Variants in PCDH9 observed in about 807,000 individuals in gnomAD.
PCDH9 encodes protocadherin-9.
A neutral mutation model predicts 70.6 loss-of-function variants in PCDH9; 24 were observed. The ratio of observed to expected loss-of-function variants is 0.34; its 90% CI spans 0.25 to 0.48. The LOEUF (loss-of-function observed/expected upper bound fraction) is 0.48. Ranked by LOEUF, PCDH9 falls within the 20% of genes least tolerant of loss-of-function variation. PCDH9 has a pLI of 0.99. For synonymous variants in PCDH9, 562 were observed against 558.5 expected (o/e 1.01, Z -0.09); for missense variants, 1,281 against 1,503.6 (o/e 0.85, Z 2.45).
chr13:66,658,615 T>C (rs1039573398), intron 3 of PCDH9, among the ~76,000 whole-genome samples: 5 of 152,188 alleles, frequency 3.3e-5, no homozygotes, highest in Non-Finnish European at 7.4e-5. Flanking sequence ...CATTTGTTTA[T>C]TCACAATGTT....
At chr13:66,402,311 A>G in intron 4 of PCDH9, among the ~76,000 whole-genome samples, 1 of 152,168 alleles carries the variant, frequency 6.6e-6, no homozygotes, top group East Asian at 1.9e-4. Flanking sequence ...CCTGTTAAGT[A>G]AACAAGAAAT....
At chr13:66,333,480 G>A (rs1177755576) in intron 4 of PCDH9, among the ~76,000 whole-genome samples, 1 of 152,142 alleles carries the variant, frequency 6.6e-6, no homozygotes, top group African/African-American at 2.4e-5. Flanking sequence ...GTAGTAAACA[G>A]TGGGTCCCCA....
chr13:66,579,780 G>A (rs2076864727), intron 4 of PCDH9, among the ~76,000 whole-genome samples: 1 of 151,882 alleles, frequency 6.6e-6, no homozygotes, highest in Non-Finnish European at 1.5e-5. Flanking sequence ...AAGGATAAAA[G>A]GTAGCAAGGA....
intron 3 of PCDH9, among the ~76,000 whole-genome samples, chr13:66,698,776 G>A (rs886761464): frequency 6.6e-6 from 1 of 151,862 alleles, no homozygotes; most frequent in African/African-American, 2.4e-5. Context: ...GAGATGGGGG[G>A]CTCACAATCT....
At chr13:66,482,422 A>G (rs1263546831) in intron 4 of PCDH9, among the ~76,000 whole-genome samples, 1 of 152,202 alleles carries the variant, frequency 6.6e-6, no homozygotes, top group Non-Finnish European at 1.5e-5. Flanking sequence ...AGGCCCCTCT[A>G]TAGGAGACTT....
intron 3 of PCDH9, among the ~76,000 whole-genome samples, chr13:66,648,269 C>T (rs1422544706): frequency 2.6e-5 from 4 of 152,208 alleles, no homozygotes. Context: ...GCTATGCTGG[C>T]TTCAGGTCTG....
chr13:66,773,230 G>A (rs75457632), intron 3 of PCDH9, among the ~76,000 whole-genome samples: 2,754 of 152,240 alleles, frequency 0.018, 74 homozygotes, highest in African/African-American at 0.063. Flanking sequence ...TCAATGGCTG[G>A]AAATGTTCTA....
intron 4 of PCDH9, among the ~76,000 whole-genome samples, chr13:66,447,654 T>A (rs1593995581): frequency 6.6e-6 from 1 of 152,150 alleles, no homozygotes; most frequent in Non-Finnish European, 1.5e-5. Flanking sequence ...AAACTTAATA[T>A]AATAAAAACT....
intron 3 of PCDH9, among the ~76,000 whole-genome samples, chr13:66,664,377 G>T (rs1408742968): frequency 6.6e-6 from 1 of 151,700 alleles, no homozygotes; most frequent in Admixed American, 6.6e-5. Flanking sequence ...AAAGCTGGAG[G>T]TTGAACATGG....
At chr13:66,458,468 G>T (rs886326851) in intron 4 of PCDH9, among the ~76,000 whole-genome samples, 1 of 152,042 alleles carries the variant, frequency 6.6e-6, no homozygotes, top group African/African-American at 2.4e-5. Flanking sequence ...CAGAAGCAAA[G>T]TATTAAGAGA....
chr13:66,981,453 GA>G (rs1393172745), intron 2 of PCDH9, among the ~76,000 whole-genome samples: 7 of 138,226 alleles, frequency 5.1e-5, no homozygotes, highest in South Asian at 2.3e-4. Flanking sequence ...AAAAAAAAAA[GA>G]AAAAAAAAGT....
chr13:67,214,954 A>ATATATATATATATATG (rs1566500795), intron 2 of PCDH9: 1 of 72,268 alleles, frequency 1.4e-5, no homozygotes, highest in African/African-American at 4.2e-5. Flanking sequence ...ATATATATAT[A>ATATATATATATATATG]TATATATATA....
intron 4 of PCDH9, among the ~76,000 whole-genome samples, chr13:66,511,686 A>T (rs1959480456): frequency 6.6e-6 from 1 of 152,058 alleles, no homozygotes; most frequent in African/African-American, 2.4e-5. Flanking sequence ...TCCCTTTGGG[A>T]TTATCCTGGA....
At chr13:66,424,391 A>G (rs538843752) in intron 4 of PCDH9, among the ~76,000 whole-genome samples, 11 of 151,978 alleles carry the variant, frequency 7.2e-5, no homozygotes, top group Non-Finnish European at 1.2e-4. Flanking sequence ...AGACTTCTTC[A>G]GGAAGGTTAA....
chr13:66,530,968 C>T (rs754241602), intron 4 of PCDH9, among the ~76,000 whole-genome samples: 2 of 151,848 alleles, frequency 1.3e-5, no homozygotes, highest in Non-Finnish European at 2.9e-5. Flanking sequence ...AAAAGGGAGT[C>T]TGTGTTTTGT....
intron 3 of PCDH9, among the ~76,000 whole-genome samples, chr13:66,840,918 G>T (rs962676560): frequency 2.0e-5 from 3 of 152,156 alleles, no homozygotes; most frequent in Non-Finnish European, 2.9e-5. Context: ...ATTAGAGAGA[G>T]ATGAAGTCAA....
chr13:66,482,487 G>A (rs1958860072), intron 4 of PCDH9, among the ~76,000 whole-genome samples: 1 of 152,146 alleles, frequency 6.6e-6, no homozygotes, highest in Non-Finnish European at 1.5e-5. Flanking sequence ...CTGCAGGAAA[G>A]CTGAGAAATT....
At position 67,228,531 on chromosome 13, in the gene PCDH9, G is replaced by T; in HGVS notation, c.-91C>A. 4.8e-6 allele frequency: 5 copies of T among 1,040,202 alleles called. No homozygotes were observed. Among genetic ancestry groups the T allele is most frequent in the Non-Finnish European group, 6.9e-6 (5 of 720,536 alleles). The allele number at this position is 1,040,202 out of a possible 1,614,324, so 64.4% of individuals were successfully genotyped here. On this transcript the variant is annotated 5_prime_UTR_variant, in exon 2 of 5. Transcript: ENST00000377865. ...CAAATTGCAAGAGGAAGCGTGCATG[G>T]ACTGGAGGATGCATTATATCTCATC...
intron 3 of PCDH9, among the ~76,000 whole-genome samples, chr13:66,710,745 G>A (rs1224843919): frequency 2.6e-5 from 4 of 152,050 alleles, no homozygotes; most frequent in Non-Finnish European, 5.9e-5. Context: ...GGTTCTCAGG[G>A]AGAATCCATT....
Sources: gnomAD v4.1 joint callset for allele counts (sites outside exome capture counted in the v4.1 genomes callset) on GRCh38, gnomAD v4.1.1 for gene constraint, MANE v1.5 for transcripts, NCBI Gene and HGNC (gene_info 2026-07-23, HGNC 2026-07-21) for gene names.